The following STAB1 variants were observed in gnomAD, a reference collection of about 807,000 sequenced individuals.
The protein encoded by STAB1 is stabilin 1.
A neutral mutation model predicts 332.4 loss-of-function variants in STAB1; 250 were observed. That is an observed-to-expected ratio of 0.75 (90% CI 0.68 to 0.84). The LOEUF (loss-of-function observed/expected upper bound fraction) is 0.84, where lower values mean the gene tolerates loss of function less well. STAB1 is among the 40% of genes least tolerant of loss of function. The pLI, the probability that STAB1 is intolerant of heterozygous loss-of-function variation, is 0.00. For synonymous variants in STAB1, 1,475 were observed against 1,390.4 expected, an observed-to-expected ratio of 1.06 and a Z score of -1.35; for missense variants, 3,249 against 3,489.7, an observed-to-expected ratio of 0.93 and a Z score of 1.74.
chr3:52,509,850 C>T lies in STAB1; in HGVS notation c.2348-20C>T, dbSNP rs555553905. 1.2e-4 allele frequency: 197 copies of T among 1,612,518 alleles called. 1 individual carries two copies. Among genetic ancestry groups the T allele is most frequent in the Middle Eastern group, 1.7e-4 (1 of 6,052 alleles). ...TGCCTCCTGCTTCTCAGTTTCCTTG[C>T]TCCCATCTACTCCATACAGACTGCG... On this transcript the variant is annotated intron_variant, in intron 22 of 68. Coordinates refer to ENST00000321725, the MANE Select transcript of STAB1 (RefSeq NM_015136.3).
chr3:52,520,375 C>G, intron 52 of STAB1, 25 bp from the exon 53 acceptor site: 1 of 1,612,656 alleles, frequency 6.2e-7, no homozygotes, highest in East Asian at 2.2e-5. Context: ...GCGACCCTTG[C>G]ATACCTCATA....
chr3:52,502,304 C>A, intron 5 of STAB1, 76 bp downstream of exon 5: 4 of 1,476,966 alleles, frequency 2.7e-6, no homozygotes, highest in Non-Finnish European at 3.7e-6. Context: ...CTACAACCAG[C>A]TCCCACCTGT....
chr3:52,509,356 G>GA (rs773805194), intron 22 of STAB1, 35 bp downstream of exon 22: 50 of 1,591,798 alleles, frequency 3.1e-5, no homozygotes, highest in Non-Finnish European at 4.0e-5. Flanking sequence ...CTCCTAGGGA[G>GA]AAAAAACGTC....
In STAB1 at chr3:52,520,913, C is replaced by A; in HGVS notation, c.5816C>A (p.Pro1939His). 1 of 1,605,048 alleles carries A rather than the reference C, an allele frequency of 6.2e-7. No homozygotes were observed. The highest frequency in any genetic ancestry group is 8.5e-7 in the Non-Finnish European group (1 of 1,175,816). ...VWVHPSLWGR[P>H]QGLGRGCHRN... Reference sequence around the variant, plus strand: ...GTCCACCCCAGCCTTTGGGGTAGGCCCCAAGGCCTGGGCAGGGGCTGCCAC... The same window carrying A: ...GTCCACCCCAGCCTTTGGGGTAGGCACCAAGGCCTGGGCAGGGGCTGCCAC... Residue 1939 changes from proline (P) to histidine (H), a missense_variant, in exon 55 of 69, where the codon CCC (proline) becomes CAC (histidine). Physicochemically the swap from Pro to His is moderately conservative, Grantham distance 77. Coordinates refer to ENST00000321725, the MANE Select transcript of STAB1 (RefSeq NM_015136.3).
Position 52,522,175 on chromosome 3 carries a change from C to CA in STAB1, c.6411dup (p.Asp2138ArgfsTer24). The CA allele has an allele frequency of 6.2e-7, 1 of 1,612,766 alleles. No individual in the cohort carries two copies. Among genetic ancestry groups the CA allele is most frequent in the Non-Finnish European group, 8.5e-7 (1 of 1,179,990 alleles). On this transcript the variant is annotated frameshift_variant, in exon 59 of 69. Transcript: ENST00000321725. LOFTEE classifies it high-confidence loss of function. The stretch of plus-strand genomic sequence containing the variant: ...AGCTGCCGGGCCCGCAACCCCTGCA[C>CA]AGATGGCCACCGCGGGGGCTGCAGC...
intron 10 of STAB1, 132 bp downstream of exon 10, chr3:52,504,287 G>T (rs1708679843): frequency 2.1e-6 from 3 of 1,451,396 alleles, no homozygotes; most frequent in African/African-American, 1.4e-5. Context: ...GGCTGTGGGG[G>T]GTGCATGCAG....
chr3:52,514,330 C>T, intron 33 of STAB1, 35 bp from the exon 34 acceptor site: 1 of 1,556,404 alleles, frequency 6.4e-7, no homozygotes, highest in African/African-American at 1.4e-5. Context: ...ACTTGGTTAT[C>T]CTGCAGTCCC....
At chr3:52,506,642 G>A (rs372825998) in intron 17 of STAB1, 50 bp from the exon 18 acceptor site, 60 of 1,550,716 alleles carry the variant, frequency 3.9e-5, no homozygotes, top group African/African-American at 6.8e-5. Context: ...CAGCCCCACC[G>A]GGCCAAGGCC....
At chr3:52,503,146 G>T in intron 7 of STAB1, 37 bp downstream of exon 7, 1 of 1,541,002 alleles carries the variant, frequency 6.5e-7, no homozygotes, top group South Asian at 1.2e-5. Context: ...CTTCAGCTCA[G>T]GGCGGGCGGG....
chr3:52,518,582 C>G lies in STAB1; in HGVS notation c.4856C>G (p.Pro1619Arg), dbSNP rs780976654. The G allele has an allele frequency of 6.2e-6, 10 of 1,602,292 alleles. No individual in the cohort carries two copies. The South Asian group carries it at 8.9e-5, about 14-fold the overall frequency. Residue 1619 changes from proline (P) to arginine (R), a missense_variant, in exon 47 of 69, where the codon CCG (proline) becomes CGG (arginine). Physicochemically the swap from Pro to Arg is moderately radical, Grantham distance 103. Transcript: ENST00000321725. Reference sequence around the variant, plus strand: ...GATGGGCCTTTCACCATCTTCGTGCCGCACGCAGATCTAATGAGCAACCTG... The same window carrying G: ...GATGGGCCTTTCACCATCTTCGTGCGGCACGCAGATCTAATGAGCAACCTG... ...KGDGPFTIFV[P>R]HADLMSNLSQ...
rs1709535197 is a variant in STAB1 at position 52,514,494 on chromosome 3, C to G, written c.3676C>G (p.Gln1226Glu). The G allele has an allele frequency of 2.6e-6, 4 of 1,524,820 alleles. No individual in the cohort carries two copies. Among genetic ancestry groups the G allele is most frequent in the South Asian group, 1.3e-5 (1 of 76,528 alleles). The allele number at this position is 1,524,820 out of a possible 1,614,324, so 94.5% of individuals were successfully genotyped here. The change falls in exon 34 of 69, where the codon CAG becomes GAG. Residue 1226 changes from glutamine (Q) to glutamate (E), a missense_variant and splice_region_variant. Coordinates refer to ENST00000321725, the MANE Select transcript of STAB1 (RefSeq NM_015136.3). ...HWIVFYNHSG[Q>E]PEVNHVPLEG... ...GATCGTCTTCTACAACCACAGTGGC[C>G]AGGTTTGGGGGTCAGGGAGCAAGGA...
In STAB1 at chr3:52,519,263, G is replaced by C. The variant is rs780609507; in HGVS notation, c.5035-1G>C. ...TCATCAGCCCCGTGCCCCGCCCCCA[G>C]GGCAGCATATACCTCAATGACTTCG... On this transcript the variant is annotated splice_acceptor_variant, in intron 48 of 68. Coordinates refer to ENST00000321725, the MANE Select transcript of STAB1 (RefSeq NM_015136.3). LOFTEE classifies it high-confidence loss of function. The C allele has an allele frequency of 4.3e-6, 7 of 1,611,468 alleles. No homozygotes were observed. Among genetic ancestry groups the C allele is most frequent in the Non-Finnish European group, 3.4e-6 (4 of 1,179,188 alleles).
At position 52,518,835 on chromosome 3, in the gene STAB1, TC is replaced by T; in HGVS notation, c.5001del (p.Ser1668GlnfsTer23). ...CTGGAGCAGGGGTACGCCACGGCCC[TC>T]TCAGGGCACCCACTGCGCTTCAGCG... ...DLLEQGYATA[L>X]SGHPLRFSER... On this transcript the variant is annotated frameshift_variant, in exon 48 of 69. Coordinates refer to ENST00000321725, the MANE Select transcript of STAB1 (RefSeq NM_015136.3). LOFTEE classifies it high-confidence loss of function. 6.2e-7 allele frequency: 1 copy of T among 1,607,556 alleles called. No individual in the cohort carries two copies.
At position 52,518,545 on chromosome 3, in the gene STAB1, G is replaced by C. The variant is rs1291842175; in HGVS notation, c.4819G>C (p.Glu1607Gln). The change falls in exon 47 of 69, where the codon GAG becomes CAG. Residue 1607 changes from glutamate (E) to glutamine (Q), a missense_variant. Transcript: ENST00000321725. ...FFSLRLLEYK[E>Q]LKGDGPFTIF... ...TTGCTGCCTCCCGCAGGAATATAAGGAGCTCAAGGGCGATGGGCCTTTCAC... is the reference window on the plus strand; with the variant it reads ...TTGCTGCCTCCCGCAGGAATATAAGCAGCTCAAGGGCGATGGGCCTTTCAC... The C allele has an allele frequency of 6.3e-7, 1 of 1,589,752 alleles. No homozygotes were observed. The highest frequency in any genetic ancestry group is 8.6e-7 in the Non-Finnish European group (1 of 1,167,792).
chr3:52,516,655 C>T, intron 40 of STAB1, 37 bp from the exon 41 acceptor site: 2 of 1,612,388 alleles, frequency 1.2e-6, no homozygotes, highest in African/African-American at 1.3e-5. Flanking sequence ...CACGACTGGA[C>T]AGGCATGGGC....
At position 52,503,059 on chromosome 3, in the gene STAB1, C is replaced by G; in HGVS notation, c.644C>G (p.Pro215Arg). 6 of 1,603,904 alleles carry G rather than the reference C, an allele frequency of 3.7e-6. No homozygotes were observed. The highest frequency in any genetic ancestry group is 5.1e-6 in the Non-Finnish European group (6 of 1,176,444). The change falls in exon 7 of 69, where the codon CCC becomes CGC. Residue 215 changes from proline (P) to arginine (R), a missense_variant. By Grantham distance (103) the Pro-to-Arg change is moderately radical. Transcript: ENST00000321725. ...AACACCCAGTGCTCCGCAGAGGCTC[C>G]CAGCTGCAGGTGCCTGCCCGGCTAC... ...PQNTQCSAEA[P>R]SCRCLPGYTQ...
At chr3:52,507,888 C>T in intron 19 of STAB1, 43 bp from the exon 20 acceptor site, 1 of 1,587,784 alleles carries the variant, frequency 6.3e-7, no homozygotes, top group East Asian at 2.2e-5. Context: ...GGGGCTGGCC[C>T]AGAACCCACA....
At chr3:52,502,529 C>A in intron 5 of STAB1, 103 bp from the exon 6 acceptor site, 1 of 1,060,908 alleles carries the variant, frequency 9.4e-7, no homozygotes, top group South Asian at 1.4e-5. Context: ...AAGGTTGTAC[C>A]TGCCCGAGCT....
chr3:52,519,084 A>G (rs949914607), intron 48 of STAB1, among the ~76,000 whole-genome samples, 180 bp from the exon 49 acceptor site: 23 of 151,490 alleles, frequency 1.5e-4, no homozygotes, highest in African/African-American at 5.6e-4. Flanking sequence ...CCTTCCGAGG[A>G]CTGAGCCCCG....
Sources: allele counts gnomAD v4.1 joint callset (sites outside exome capture counted in the v4.1 genomes callset), GRCh38; gene constraint gnomAD v4.1.1; transcripts MANE v1.5; gene names NCBI Gene and HGNC (gene_info 2026-07-23, HGNC 2026-07-21).